SIK3: variants seen among roughly 807,000 people sequenced by gnomAD.
The protein encoded by SIK3 is SIK family kinase 3.
Under a neutral mutation model 144.2 loss-of-function variants are expected in SIK3, and 28 were observed. That is an observed-to-expected ratio of 0.19 (90% confidence interval 0.14 to 0.27). The LOEUF (loss-of-function observed/expected upper bound fraction) is 0.27. Ranked by LOEUF, SIK3 falls within the 10% of genes least tolerant of loss-of-function variation. SIK3 has a pLI of 1.00. For synonymous variants in SIK3, 686 were observed against 676.3 expected, an observed-to-expected ratio of 1.01 and a Z score of -0.22; for missense variants, 1,319 against 1,776.0, an observed-to-expected ratio of 0.74 and a Z score of 4.62.
chr11:116,904,353 G>A (rs1023334346), intron 4 of SIK3, among the ~76,000 whole-genome samples: 1 of 152,178 alleles, frequency 6.6e-6, no homozygotes, highest in African/African-American at 2.4e-5. Context: ...TAAAGGGTTT[G>A]TAGGGGCATA....
At chr11:117,027,617 C>T (rs973334600) in intron 1 of SIK3, among the ~76,000 whole-genome samples, 5 of 152,154 alleles carry the variant, frequency 3.3e-5, no homozygotes, top group Admixed American at 2.6e-4. Context: ...CGCCCGCCAC[C>T]ATGCCCAGCT....
intron 1 of SIK3, among the ~76,000 whole-genome samples, chr11:116,973,008 C>T (rs1949817683): frequency 6.6e-6 from 1 of 152,122 alleles, no homozygotes; most frequent in African/African-American, 2.4e-5. Context: ...CAACAGCCAA[C>T]AAAAAGCTGG....
rs563471831 is a variant in SIK3 at position 117,085,708 on chromosome 11, G to C, written c.273+12435C>G. Reference sequence around the variant, plus strand: ...TTTTAAAAGAGTAATGCATGAGCCAGGCATGGTGGCTCATGCCTGTAAGCC... The same window carrying C: ...TTTTAAAAGAGTAATGCATGAGCCACGCATGGTGGCTCATGCCTGTAAGCC... On this transcript the variant is annotated intron_variant, in intron 1 of 24. Coordinates refer to ENST00000445177, the MANE Select transcript of SIK3 (RefSeq NM_001366686.3). Among the ~76,000 whole-genome samples, 866 of 152,276 alleles carry C rather than the reference G, an allele frequency of 5.7e-3. 6 individuals carry two copies. Among genetic ancestry groups the C allele is most frequent in the African/African-American group, 0.019 (797 of 41,540 alleles).
chr11:117,061,895 T>C (rs778008919), intron 1 of SIK3, among the ~76,000 whole-genome samples: 3 of 152,188 alleles, frequency 2.0e-5, no homozygotes, highest in Non-Finnish European at 4.4e-5. Context: ...TTTTGAAACA[T>C]ATTCTAAAGA....
chr11:117,057,503 A>T (rs1953590290), intron 1 of SIK3, among the ~76,000 whole-genome samples: 2 of 152,172 alleles, frequency 1.3e-5, no homozygotes, highest in African/African-American at 2.4e-5. Context: ...GATTCATTCA[A>T]TAGGAACAAG....
chr11:117,039,664 G>A (rs1232600166), intron 1 of SIK3, among the ~76,000 whole-genome samples: 1 of 152,166 alleles, frequency 6.6e-6, no homozygotes, highest in African/African-American at 2.4e-5. Context: ...TTTATGTTAA[G>A]TAAAACCTAT....
At chr11:116,855,602 G>GT (rs1298152814) in intron 21 of SIK3, 1 of 152,282 alleles carries the variant, frequency 6.6e-6, no homozygotes, top group Non-Finnish European at 1.5e-5. Context: ...AAAGTACACG[G>GT]TAACTCAGCC....
chr11:116,847,982 A>G (rs1490775173), intron 22 of SIK3, among the ~76,000 whole-genome samples: 1 of 152,184 alleles, frequency 6.6e-6, no homozygotes, highest in Non-Finnish European at 1.5e-5. Flanking sequence ...GTCCTGTCCA[A>G]TATGGTAACC....
intron 3 of SIK3, among the ~76,000 whole-genome samples, chr11:116,943,514 C>T (rs193234488): frequency 5.3e-5 from 8 of 152,314 alleles, no homozygotes; most frequent in East Asian, 3.9e-4. Context: ...AACAATACTA[C>T]GCCATATGTT....
At position 117,052,346 on chromosome 11, in the gene SIK3, G is replaced by A. The variant is rs565514208; in HGVS notation, c.273+45797C>T. Among the ~76,000 whole-genome samples the A allele has an allele frequency of 5.3e-5, 8 of 152,250 alleles. No homozygotes were observed. The South Asian group carries it at 1.0e-3, about 20-fold the overall frequency. On this transcript the variant is annotated intron_variant, in intron 1 of 24. Transcript: ENST00000445177. ...AGCAGTAGGCAGGAGAGACTGCAGCGAACCTAAAGGTAGAAAGACCAGTTA... is the reference window on the plus strand; with the variant it reads ...AGCAGTAGGCAGGAGAGACTGCAGCAAACCTAAAGGTAGAAAGACCAGTTA...
intron 6 of SIK3, among the ~76,000 whole-genome samples, chr11:116,881,771 T>A (rs532867477): frequency 2.6e-5 from 4 of 152,322 alleles, no homozygotes; most frequent in Non-Finnish European, 5.9e-5. Context: ...CATTCAACAA[T>A]ATTATTTAAT....
At chr11:116,887,976 T>C (rs1018635773) in intron 6 of SIK3, among the ~76,000 whole-genome samples, 2 of 151,396 alleles carry the variant, frequency 1.3e-5, no homozygotes, top group Admixed American at 6.5e-5. Flanking sequence ...CATAGAAATA[T>C]ACATGAATTG....
chr11:116,941,018 T>A (rs1467742706), intron 3 of SIK3, among the ~76,000 whole-genome samples: 3 of 152,170 alleles, frequency 2.0e-5, no homozygotes, highest in Admixed American at 2.0e-4. Context: ...TTTGTTTTGA[T>A]TTTTTTGAGA....
At chr11:116,857,634 T>G (rs565374389) in intron 21 of SIK3, 176 bp downstream of exon 21, 1 of 1,025,824 alleles carries the variant, frequency 9.7e-7, no homozygotes, top group South Asian at 1.9e-5. Context: ...ATTTTGAAAA[T>G]GGACCCCTTG....
intron 4 of SIK3, among the ~76,000 whole-genome samples, chr11:116,903,077 C>T (rs1446699521): frequency 6.6e-6 from 1 of 152,192 alleles, no homozygotes; most frequent in Non-Finnish European, 1.5e-5. Flanking sequence ...TATAACATAA[C>T]TTATTTTCTG....
At chr11:116,968,188 A>G (rs7941927) in intron 1 of SIK3, among the ~76,000 whole-genome samples, 48,138 of 151,982 alleles carry the variant, frequency 0.32, 8,718 homozygotes, top group African/African-American at 0.5. Flanking sequence ...TGTCTCCCAG[A>G]CTGGAGTACA....
At chr11:116,975,665 T>G (rs1368263904) in intron 1 of SIK3, among the ~76,000 whole-genome samples, 2 of 152,368 alleles carry the variant, frequency 1.3e-5, no homozygotes, top group East Asian at 3.9e-4. Flanking sequence ...AATGCTGCCA[T>G]GAACATTCAT....
chr11:116,921,729 T>G (rs522848), intron 4 of SIK3, among the ~76,000 whole-genome samples: 1 of 152,074 alleles, frequency 6.6e-6, no homozygotes, highest in East Asian at 1.9e-4. Flanking sequence ...GACAGAAACA[T>G]CTCTTTAAAA....
In SIK3 at chr11:116,875,463, T is replaced by C; in HGVS notation, c.1240-12A>G. The stretch of plus-strand genomic sequence containing the variant: ...CCTGCCTGCTCCGCCTGGAAAGCAG[T>C]ACATACATATACACGCATACCTTTA... On this transcript the variant is annotated splice_polypyrimidine_tract_variant and intron_variant, in intron 9 of 24. Transcript: ENST00000445177. 1 of 1,612,502 alleles carries C rather than the reference T, an allele frequency of 6.2e-7. No homozygotes were observed. Among genetic ancestry groups the C allele is most frequent in the East Asian group, 2.2e-5 (1 of 44,870 alleles).
Sources: allele counts gnomAD v4.1 joint callset (sites outside exome capture counted in the v4.1 genomes callset), GRCh38; gene constraint gnomAD v4.1.1; transcripts MANE v1.5; gene names NCBI Gene and HGNC (gene_info 2026-07-23, HGNC 2026-07-21).